TG: variants seen among roughly 807,000 people sequenced by gnomAD.
TG encodes thyroglobulin.
A neutral mutation model predicts 324.7 loss-of-function variants in TG; 270 were observed. That is an observed-to-expected ratio of 0.83 (90% CI 0.75 to 0.92). The LOEUF is 0.92. TG is among the 40% of genes least tolerant of loss of function. The pLI is 0.00. For synonymous variants in TG, 1,401 were observed against 1,327.0 expected, an observed-to-expected ratio of 1.06 and a Z score of -1.21; for missense variants, 3,591 against 3,456.4, an observed-to-expected ratio of 1.04 and a Z score of -0.98.
At chr8:132,911,612 C>A in intron 19 of TG, 79 bp downstream of exon 19, 1 of 1,234,790 alleles carries the variant, frequency 8.1e-7, no homozygotes, top group Non-Finnish European at 1.2e-6. Context: ...CCAAATGGAG[C>A]TGGTGAAGAA....
chr8:133,014,685 C>T (rs1834860712), intron 37 of TG, among the ~76,000 whole-genome samples: 1 of 152,150 alleles, frequency 6.6e-6, no homozygotes, highest in African/African-American at 2.4e-5. Context: ...CCATGCTGTC[C>T]TAGAGCATTG....
At chr8:133,124,339 CT>C (rs1319226531) in intron 45 of TG, among the ~76,000 whole-genome samples, 2 of 152,162 alleles carry the variant, frequency 1.3e-5, no homozygotes, top group Admixed American at 6.5e-5. Context: ...CCACATTTAA[CT>C]TTTCTTTGAA....
chr8:133,077,803 A>G (rs1423350441), intron 41 of TG, among the ~76,000 whole-genome samples: 3 of 151,332 alleles, frequency 2.0e-5, no homozygotes, highest in African/African-American at 7.3e-5. Context: ...TGCAGGGCTG[A>G]CCTGTGCATT....
intron 45 of TG, among the ~76,000 whole-genome samples, chr8:133,124,364 G>A (rs1851364764): frequency 6.6e-6 from 1 of 152,186 alleles, no homozygotes; most frequent in African/African-American, 2.4e-5. Flanking sequence ...AAGAGTGGGG[G>A]CTGGGGTATG....
intron 15 of TG, among the ~76,000 whole-genome samples, chr8:132,900,652 C>T (rs907428115): frequency 1.3e-4 from 20 of 152,240 alleles, no homozygotes; most frequent in African/African-American, 4.6e-4. Flanking sequence ...TGTGGCCCTG[C>T]CGTCTGGTTT....
chr8:133,130,300 C>A (rs994786810), intron 45 of TG, among the ~76,000 whole-genome samples: 11 of 152,198 alleles, frequency 7.2e-5, no homozygotes, highest in African/African-American at 2.4e-4. Context: ...AACAGTTATA[C>A]CCCCGCAAAA....
intron 41 of TG, among the ~76,000 whole-genome samples, chr8:133,093,186 C>T (rs4236898): frequency 0.72 from 108,287 of 151,032 alleles, 39,249 homozygotes; most frequent in Non-Finnish European, 0.75. Flanking sequence ...TTAAAAAAAG[C>T]TGCCCTGCTC....
rs1054986289 is a variant in TG at position 132,867,626 on chromosome 8, A to G, written c.68-489A>G. Among the ~76,000 whole-genome samples the G allele has an allele frequency of 4.6e-5, 7 of 152,014 alleles. No individual in the cohort carries two copies. The South Asian group carries it at 1.2e-3, about 27-fold the overall frequency. ...ACCCTATGTGTTACAAGAGTTCTCAATGGAAAAATAAGTCATGTACATTAT... is the reference window on the plus strand; with the variant it reads ...ACCCTATGTGTTACAAGAGTTCTCAGTGGAAAAATAAGTCATGTACATTAT... On this transcript the variant is annotated intron_variant, in intron 1 of 47. Transcript: ENST00000220616.
Position 133,013,690 on chromosome 8 carries a change from G to T in TG, c.6488G>T (p.Cys2163Phe). Residue 2163 changes from cysteine to phenylalanine, a missense_variant, in exon 37 of 48, where the codon TGC becomes TTC. Physicochemically the swap from Cys to Phe is radical, Grantham distance 205. Transcript: ENST00000220616. ...ATGTTCTATGCTGATACTCAAAGCT[G>T]CACACATAGTCTGCAGGGTCAGAAC... is the stretch of plus-strand genomic sequence containing the variant. ...RCMFYADTQS[C>F]THSLQGQNCR... 1 of 1,614,142 alleles carries T rather than the reference G, an allele frequency of 6.2e-7. No individual in the cohort carries two copies. The highest frequency in any genetic ancestry group is 1.3e-5 in the African/African-American group (1 of 75,068).
At chr8:133,070,648 T>C (rs1843861486) in intron 41 of TG, among the ~76,000 whole-genome samples, 1 of 152,200 alleles carries the variant, frequency 6.6e-6, no homozygotes. Flanking sequence ...CTGTAAATCC[T>C]TTGTCTTTTT....
intron 29 of TG, among the ~76,000 whole-genome samples, chr8:132,965,298 A>G (rs1319273547): frequency 6.6e-6 from 1 of 152,158 alleles, no homozygotes; most frequent in Non-Finnish European, 1.5e-5. Context: ...GCCAGCACTA[A>G]ACTTCTGACC....
chr8:132,872,334 C>T (rs1273490488), intron 4 of TG, among the ~76,000 whole-genome samples: 2 of 151,566 alleles, frequency 1.3e-5, no homozygotes, highest in African/African-American at 2.4e-5. Context: ...AAAAATTAGC[C>T]GGGCGTGGTG....
chr8:132,966,624 AC>A lies in TG; in HGVS notation c.5614del (p.Leu1872TyrfsTer38). 6.2e-7 allele frequency: 1 copy of A among 1,614,064 alleles called. No individual in the cohort carries two copies. Among genetic ancestry groups the A allele is most frequent in the Non-Finnish European group, 8.5e-7 (1 of 1,179,996 alleles). ...AGGTCATTGTCAATGGAAATCAATC[AC>A]TATCCAGCCAGAAGCACTGGCTTTT... ...NQVIVNGNQS[L>X]SSQKHWLFKH... On this transcript the variant is annotated frameshift_variant, in exon 30 of 48. Coordinates refer to ENST00000220616, the MANE Select transcript of TG (RefSeq NM_003235.5). LOFTEE classifies it high-confidence loss of function.
Position 133,131,857 on chromosome 8 carries a change from C to T in TG, c.7908C>T (p.Phe2636=). ...ADVQFALGLP[F]YPAYEGQFSL... ...TTCAGTTTGCCTTGGGGCTTCCCTT[C>T]TACCCAGCCTACGAGGGGCAGTTTT... is the stretch of plus-strand genomic sequence containing the variant. Residue 2636 remains phenylalanine, a synonymous_variant, in exon 46 of 48, where the codon TTC becomes TTT. Coordinates refer to ENST00000220616, the MANE Select transcript of TG (RefSeq NM_003235.5). 6.2e-7 allele frequency: 1 copy of T among 1,614,206 alleles called. No individual in the cohort carries two copies. Among genetic ancestry groups the T allele is most frequent in the Non-Finnish European group, 8.5e-7 (1 of 1,180,024 alleles).
chr8:133,039,553 C>T (rs1022522572), intron 41 of TG, among the ~76,000 whole-genome samples: 1 of 152,074 alleles, frequency 6.6e-6, no homozygotes, highest in Admixed American at 6.5e-5. Context: ...CAGAACAAAT[C>T]CATGAAAGTT....
chr8:133,012,162 A>G (rs1361033179), intron 36 of TG, 127 bp downstream of exon 36: 2 of 1,389,654 alleles, frequency 1.4e-6, no homozygotes, highest in Non-Finnish European at 2.0e-6. Context: ...GTAAGGGATT[A>G]ACCTGGGGAA....
At chr8:133,088,201 G>A (rs1277076373) in intron 41 of TG, among the ~76,000 whole-genome samples, 1 of 152,130 alleles carries the variant, frequency 6.6e-6, no homozygotes, top group Admixed American at 6.5e-5. Context: ...ACATAACATG[G>A]TGTGTTTTTG....
chr8:132,869,239 T>C (rs1839251289), intron 2 of TG, among the ~76,000 whole-genome samples: 1 of 152,240 alleles, frequency 6.6e-6, no homozygotes. Flanking sequence ...CTGACCATCC[T>C]GCAGGTCTCA....
chr8:133,116,566 A>T (rs1197575599), intron 44 of TG, 43 bp from the exon 45 acceptor site: 1 of 1,550,744 alleles, frequency 6.4e-7, no homozygotes, highest in Admixed American at 1.7e-5. Flanking sequence ...TGGCCCATAG[A>T]GCCATGTTTA....
Sources: gnomAD v4.1 joint callset for allele counts (sites outside exome capture counted in the v4.1 genomes callset) on GRCh38, gnomAD v4.1.1 for gene constraint, MANE v1.5 for transcripts, NCBI Gene and HGNC (gene_info 2026-07-23, HGNC 2026-07-21) for gene names.